The following MORC2 variants were observed in gnomAD, a reference collection of about 807,000 sequenced individuals.
MORC2 encodes MORC family CW-type zinc finger 2.
In MORC2, 30 loss-of-function variants were observed where a neutral mutation model predicts 136.0. The ratio of observed to expected loss-of-function variants is 0.22; its 90% CI spans 0.17 to 0.30. The LOEUF (loss-of-function observed/expected upper bound fraction) is 0.30. Among genes scored for constraint, MORC2 ranks in the 10% least tolerant of loss-of-function variants. MORC2 has a pLI of 1.00. For synonymous variants in MORC2, 439 were observed against 487.0 expected, an observed-to-expected ratio of 0.90 and a Z score of 1.30; for missense variants, 922 against 1,333.1, an observed-to-expected ratio of 0.69 and a Z score of 4.80.
At chr22:30,940,730 C>A (rs200626561) in intron 10 of MORC2, 28 bp downstream of exon 10, 21 of 1,607,082 alleles carry the variant, frequency 1.3e-5, no homozygotes, top group African/African-American at 5.4e-5. Context: ...GCACACCCCC[C>A]CAACTCCTGC....
At chr22:30,939,097 G>A (rs983351668) in intron 12 of MORC2, among the ~76,000 whole-genome samples, 1 of 152,144 alleles carries the variant, frequency 6.6e-6, no homozygotes, top group Non-Finnish European at 1.5e-5. Context: ...AGACATGGAG[G>A]TGGGACAAGC....
chr22:30,950,333 C>T (rs1309063058), intron 4 of MORC2, 44 bp downstream of exon 4: 2 of 825,312 alleles, frequency 2.4e-6, no homozygotes, highest in African/African-American at 1.7e-5. Flanking sequence ...AAAATGGTTA[C>T]ATCGCACCCC....
chr22:30,929,639 T>G (rs993752709), intron 24 of MORC2, among the ~76,000 whole-genome samples: 5 of 151,988 alleles, frequency 3.3e-5, no homozygotes, highest in Admixed American at 3.3e-4. Flanking sequence ...TCCCAGCTAC[T>G]CAGGAGGCTG....
chr22:30,946,166 T>C (rs979849071), intron 6 of MORC2, among the ~76,000 whole-genome samples, 175 bp downstream of exon 6: 1 of 152,206 alleles, frequency 6.6e-6, no homozygotes, highest in Non-Finnish European at 1.5e-5. Flanking sequence ...ATTAAAGTTA[T>C]CTACCTTAAC....
At chr22:30,967,749 T>C in intron 1 of MORC2, 73 bp downstream of exon 1, 1 of 1,543,064 alleles carries the variant, frequency 6.5e-7, no homozygotes, top group South Asian at 1.2e-5. Flanking sequence ...CAAAATTTTC[T>C]GGGGAAACGA....
At chr22:30,952,578 T>C (rs1435114174) in intron 3 of MORC2, among the ~76,000 whole-genome samples, 1 of 152,220 alleles carries the variant, frequency 6.6e-6, no homozygotes, top group Non-Finnish European at 1.5e-5. Flanking sequence ...TGACAGCCTA[T>C]AAATGGCTAG....
chr22:30,967,115 C>T (rs996542164), intron 1 of MORC2: 132 of 985,174 alleles, frequency 1.3e-4, no homozygotes, highest in African/African-American at 1.9e-4. Flanking sequence ...AAAGTTTTGA[C>T]GCTACTGGAC....
At chr22:30,964,591 G>A (rs965252686) in intron 1 of MORC2, among the ~76,000 whole-genome samples, 3 of 152,118 alleles carry the variant, frequency 2.0e-5, no homozygotes, top group Non-Finnish European at 4.4e-5. Context: ...CACTACCAAA[G>A]AGAAGTAACA....
intron 17 of MORC2, among the ~76,000 whole-genome samples, chr22:30,935,767 C>G (rs948175970): frequency 2.0e-5 from 3 of 151,888 alleles, no homozygotes; most frequent in African/African-American, 7.3e-5. Context: ...GATGATATCA[C>G]AGACATATCT....
intron 1 of MORC2, 150 bp from the exon 2 acceptor site, chr22:30,958,844 G>A (rs1045251235): frequency 2.3e-5 from 14 of 603,744 alleles, no homozygotes; most frequent in East Asian, 5.8e-5. Context: ...GCTTTCCAGA[G>A]CTCCCCAACT....
At chr22:30,928,258 A>G (rs1470138745) in intron 24 of MORC2, 51 bp from the exon 25 acceptor site, 21 of 1,596,048 alleles carry the variant, frequency 1.3e-5, no homozygotes, top group Non-Finnish European at 1.7e-5. Context: ...AGGGGTCCCC[A>G]GGGCCCTTCT....
chr22:30,963,498 C>T (rs1470877680), intron 1 of MORC2, among the ~76,000 whole-genome samples: 2 of 151,530 alleles, frequency 1.3e-5, no homozygotes, highest in Non-Finnish European at 2.9e-5. Flanking sequence ...GATTCTCCTG[C>T]CTCAGACTCC....
At position 30,937,165 on chromosome 22, in the gene MORC2, A is replaced by G; in HGVS notation, c.1499-128T>C. 2.9e-6 allele frequency: 2 copies of G among 691,162 alleles called. No homozygotes were observed. Among genetic ancestry groups the G allele is most frequent in the East Asian group, 2.7e-5 (1 of 37,134 alleles). 42.8% of individuals were successfully genotyped at this position (691,162 alleles called of 1,614,324 possible). A position where few individuals can be genotyped will look rare whatever the true frequency, so the allele number is the denominator to read the frequency against. ...GGCAAAGATCTTCACTCGGGCTCCA[A>G]CTCTGCCTATCCTTAGAGAATACTA... is the stretch of plus-strand genomic sequence containing the variant. On this transcript the variant is annotated intron_variant, in intron 15 of 25. Coordinates refer to ENST00000397641, the MANE Select transcript of MORC2 (RefSeq NM_001303256.3). The surrounding 1 kb of genome is among the most constrained non-coding windows in gnomAD (Gnocchi z 4.7).
At chr22:30,931,170 C>T (rs1471850490) in intron 24 of MORC2, among the ~76,000 whole-genome samples, 2 of 152,196 alleles carry the variant, frequency 1.3e-5, no homozygotes, top group Non-Finnish European at 2.9e-5. Flanking sequence ...ACCCATTCTA[C>T]CCAAACACGC....
intron 20 of MORC2, 132 bp downstream of exon 20, chr22:30,933,928 G>C (rs1489368166): frequency 9.3e-7 from 1 of 1,079,966 alleles, no homozygotes; most frequent in Admixed American, 2.3e-5. Context: ...TGCTGGTGGG[G>C]GGGGTAGACT....
At chr22:30,940,719 T>C (rs758799398) in intron 10 of MORC2, 39 bp downstream of exon 10, 3 of 1,584,358 alleles carry the variant, frequency 1.9e-6, no homozygotes, top group Admixed American at 1.7e-5. Context: ...ATACCCCAGA[T>C]GCACACCCCC....
chr22:30,962,244 G>C (rs981668821), intron 1 of MORC2, among the ~76,000 whole-genome samples: 2 of 151,344 alleles, frequency 1.3e-5, no homozygotes, highest in African/African-American at 4.9e-5. Context: ...AAAGAAATGT[G>C]CCTTGCATAT....
intron 4 of MORC2, 40 bp downstream of exon 4, chr22:30,950,337 G>GCGGGGGGGCCCCCCCCCCC: frequency 1.3e-6 from 1 of 761,768 alleles, no homozygotes; most frequent in Non-Finnish European, 2.3e-6. Context: ...TGGTTACATC[G>GCGGGGGGGCCCCCCCCCCC]CACCCCCCCA....
intron 1 of MORC2, 93 bp downstream of exon 1, chr22:30,967,729 A>T: frequency 6.5e-7 from 1 of 1,535,794 alleles, no homozygotes; most frequent in Non-Finnish European, 8.8e-7. Flanking sequence ...CATCTCAAAA[A>T]GTGAAAAAGC....
Sources: gnomAD v4.1 joint callset for allele counts (sites outside exome capture counted in the v4.1 genomes callset) on GRCh38, gnomAD v4.1.1 for gene constraint, Gnocchi (gnomAD v3.1) non-coding constraint, MANE v1.5 for transcripts, NCBI Gene and HGNC (gene_info 2026-07-23, HGNC 2026-07-21) for gene names.